Variants in LRRC69 observed in about 807,000 individuals in gnomAD.
LRRC69 encodes the protein leucine rich repeat containing 69.
LRRC69 carries 42 observed loss-of-function variants against 37.8 expected under a neutral mutation model. The observed-to-expected ratio is 1.11, with a 90% CI of 0.87 to 1.44. The LOEUF is 1.44. LRRC69 is among the 40% of genes most tolerant of loss of function. The pLI, the probability that LRRC69 is intolerant of heterozygous loss-of-function variation, is 0.00. For missense variants in LRRC69, 357 were observed against 401.9 expected, an observed-to-expected ratio of 0.89 and a Z score of 0.96; for synonymous variants, 141 against 143.1, an observed-to-expected ratio of 0.99 and a Z score of 0.11.
intron 6 of LRRC69, among the ~76,000 whole-genome samples, chr8:91,190,971 TGA>T (rs1196956623): frequency 1.3e-5 from 2 of 151,458 alleles, no homozygotes; most frequent in Non-Finnish European, 2.9e-5. Flanking sequence ...CCCAGTAGGT[TGA>T]GTCTGCAATG....
intron 5 of LRRC69, chr8:91,157,530 A>G: frequency 6.5e-7 from 1 of 1,533,532 alleles, no homozygotes; most frequent in Non-Finnish European, 9.0e-7. Context: ...TGTTTCCTAT[A>G]GTATTTAATG....
chr8:91,171,198 T>C (rs1183183803), intron 5 of LRRC69, among the ~76,000 whole-genome samples: 7 of 152,056 alleles, frequency 4.6e-5, no homozygotes, highest in Non-Finnish European at 7.3e-5. Flanking sequence ...GAATCGTGTT[T>C]CTCAACCATT....
intron 5 of LRRC69, among the ~76,000 whole-genome samples, chr8:91,153,037 C>T (rs1435374579): frequency 6.6e-6 from 1 of 151,112 alleles, no homozygotes; most frequent in Non-Finnish European, 1.5e-5. Flanking sequence ...AGAAAATTTA[C>T]CAAGCAAATG....
chr8:91,166,180 T>C (rs1809024508), intron 5 of LRRC69, among the ~76,000 whole-genome samples: 2 of 151,782 alleles, frequency 1.3e-5, no homozygotes, highest in Admixed American at 1.3e-4. Flanking sequence ...ACCATGAGGA[T>C]TGACTGAGCT....
rs944663748 is a variant in LRRC69, at chr8:91,105,252, GA to G, written c.183+2417del. Among the ~76,000 whole-genome samples the G allele has an allele frequency of 1.9e-4, 28 of 148,144 alleles. 1 individual carries two copies. The highest frequency in any genetic ancestry group is 4.1e-4 in the Admixed American group (6 of 14,772). On this transcript the variant is annotated intron_variant, in intron 1 of 7. Coordinates refer to ENST00000448384, the Ensembl canonical transcript of LRRC69. ...GTCTTGGAGAAATTGTGGAATTTTGGAAAAAAAAACACAATTTTCCCTATGT... is the reference window on the plus strand; with the variant it reads ...GTCTTGGAGAAATTGTGGAATTTTGGAAAAAAAACACAATTTTCCCTATGT...
At chr8:91,112,474 C>T (rs747220230) in intron 1 of LRRC69, among the ~76,000 whole-genome samples, 16 of 151,860 alleles carry the variant, frequency 1.1e-4, no homozygotes, top group Non-Finnish European at 2.2e-4. Flanking sequence ...ATTAACAAAA[C>T]GAAAGAAAAA....
At chr8:91,167,948 A>G (rs567776778) in intron 5 of LRRC69, among the ~76,000 whole-genome samples, 24 of 152,068 alleles carry the variant, frequency 1.6e-4, no homozygotes, top group Admixed American at 1.4e-3. Context: ...CCAAGTCTCA[A>G]TTTCCTTATT....
chr8:91,122,413 G>A (rs1813641721), intron 1 of LRRC69, among the ~76,000 whole-genome samples: 1 of 151,872 alleles, frequency 6.6e-6, no homozygotes, highest in South Asian at 2.1e-4. Context: ...TAAAAGATTT[G>A]CCCATCAAAA....
chr8:91,107,518 G>A (rs1020815834), intron 1 of LRRC69, among the ~76,000 whole-genome samples: 2 of 151,980 alleles, frequency 1.3e-5, no homozygotes, highest in African/African-American at 4.8e-5. Flanking sequence ...TGTACAAAGT[G>A]TGGTCCCTGC....
At chr8:91,157,256 A>G in intron 5 of LRRC69, 1 of 1,471,644 alleles carries the variant, frequency 6.8e-7, no homozygotes, top group Non-Finnish European at 9.5e-7. Flanking sequence ...AGCACACTTC[A>G]CCTCTCTAAT....
chr8:91,170,210 G>A (rs1331085549), intron 5 of LRRC69, among the ~76,000 whole-genome samples: 3 of 112,628 alleles, frequency 2.7e-5, no homozygotes, highest in Admixed American at 8.4e-5. Flanking sequence ...TTTAATGATC[G>A]CCATTCTAAC....
At chr8:91,140,639 A>AT (rs71266165) in intron 5 of LRRC69, among the ~76,000 whole-genome samples, 729 of 23,248 alleles carry the variant, frequency 0.031, 305 homozygotes, top group African/African-American at 0.092. Context: ...TCAATATGTG[A>AT]TTTTTTTTTT....
intron 1 of LRRC69, among the ~76,000 whole-genome samples, chr8:91,106,026 G>T (rs1813305995): frequency 6.6e-6 from 1 of 152,042 alleles, no homozygotes; most frequent in Non-Finnish European, 1.5e-5. Flanking sequence ...GCAGAGAGAA[G>T]GGGCAGGGTG....
At chr8:91,152,074 CT>C (rs560448533) in intron 5 of LRRC69, among the ~76,000 whole-genome samples, 134 of 151,806 alleles carry the variant, frequency 8.8e-4, no homozygotes, top group African/African-American at 3.1e-3. Flanking sequence ...AAATTTTCTC[CT>C]ATTCTGTAGG....
intron 5 of LRRC69, among the ~76,000 whole-genome samples, chr8:91,140,186 C>G (rs1808508538): frequency 6.6e-6 from 1 of 151,012 alleles, no homozygotes; most frequent in South Asian, 2.1e-4. Flanking sequence ...GAAAGCAAAA[C>G]TCTGGGGGCT....
intron 1 of LRRC69, among the ~76,000 whole-genome samples, chr8:91,106,596 CA>C (rs1238042846): frequency 6.6e-6 from 1 of 151,940 alleles, no homozygotes; most frequent in Non-Finnish European, 1.5e-5. Context: ...AATCATTTGT[CA>C]AAGGTCACTC....
intron 5 of LRRC69, chr8:91,157,665 C>G: frequency 6.3e-7 from 1 of 1,586,308 alleles, no homozygotes; most frequent in Non-Finnish European, 8.6e-7. Flanking sequence ...ATGTTGAATG[C>G]CTTACAGCTA....
chr8:91,155,233 A>G (rs1356051737), intron 5 of LRRC69, among the ~76,000 whole-genome samples: 1 of 126,694 alleles, frequency 7.9e-6, no homozygotes, highest in Non-Finnish European at 1.6e-5. Context: ...CCTAAAAATT[A>G]AAAAAAATTA....
At chr8:91,203,893 G>A (rs1253383875) in intron 7 of LRRC69, among the ~76,000 whole-genome samples, 1 of 151,438 alleles carries the variant, frequency 6.6e-6, no homozygotes, top group Non-Finnish European at 1.5e-5. Context: ...GCTGAGGCGG[G>A]CAGATCACGA....
Sources: gnomAD v4.1 joint callset for allele counts (sites outside exome capture counted in the v4.1 genomes callset) on GRCh38, gnomAD v4.1.1 for gene constraint, MANE v1.5 for transcripts, NCBI Gene and HGNC (gene_info 2026-07-23, HGNC 2026-07-21) for gene names.